SYNE1: variants seen among roughly 807,000 people sequenced by gnomAD.
The protein encoded by SYNE1 is spectrin repeat containing nuclear envelope protein 1.
SYNE1 carries 616 observed loss-of-function variants against 1,111.0 expected under a neutral mutation model. That is an observed-to-expected ratio of 0.55 (90% CI 0.52 to 0.59). The LOEUF is 0.59. SYNE1 is among the 20% of genes least tolerant of loss of function. The pLI, the probability that SYNE1 is intolerant of heterozygous loss-of-function variation, is 0.00. For missense variants in SYNE1, 10,006 were observed against 10,417.0 expected (o/e 0.96, Z 1.72); for synonymous variants, 3,855 against 3,825.8 (o/e 1.01, Z -0.28).
At chr6:152,589,977 G>C (rs569109717) in intron 3 of SYNE1, among the ~76,000 whole-genome samples, 42 of 149,030 alleles carry the variant, frequency 2.8e-4, no homozygotes, top group Non-Finnish European at 5.6e-4. Flanking sequence ...CTATCACCCA[G>C]GCTAGGGCAC....
chr6:152,514,135 C>T (rs1335032357), intron 6 of SYNE1, among the ~76,000 whole-genome samples: 1 of 152,158 alleles, frequency 6.6e-6, no homozygotes, highest in Non-Finnish European at 1.5e-5. Flanking sequence ...TGGGTATATA[C>T]CCAAAGGATT....
At chr6:152,132,554 G>A (rs751997305) in intron 143 of SYNE1, among the ~76,000 whole-genome samples, 1 of 152,246 alleles carries the variant, frequency 6.6e-6, no homozygotes, top group Non-Finnish European at 1.5e-5. Context: ...TGTAGAGCCT[G>A]CTGGTCACTC....
In SYNE1 at chr6:152,558,441, A is replaced by C. The variant is rs79818505; in HGVS notation, c.68-18420T>G. On this transcript the variant is annotated intron_variant, in intron 3 of 145. Coordinates refer to ENST00000367255, the MANE Select transcript of SYNE1 (RefSeq NM_182961.4). Reference sequence around the variant, plus strand: ...TAAGATCAAACTATATGCTGCCTACAAGAGATTCACTTTAGCTTTAAGGAA... The same window carrying C: ...TAAGATCAAACTATATGCTGCCTACCAGAGATTCACTTTAGCTTTAAGGAA... Among the ~76,000 whole-genome samples the C allele has an allele frequency of 4.7e-3, 720 of 152,356 alleles. 11 individuals are homozygous for C. The highest frequency in any genetic ancestry group is 0.016 in the African/African-American group (685 of 41,578).
chr6:152,339,365 A>G lies in SYNE1; in HGVS notation c.12227T>C (p.Val4076Ala). 6.2e-7 allele frequency: 1 copy of G among 1,613,660 alleles called. No homozygotes were observed. The highest frequency in any genetic ancestry group is 1.1e-5 in the South Asian group (1 of 91,066). ...CTCTTGCAAAGCTCTGAAGTGTTTG[A>G]CCTGGAAAAGGCAGTTATCAGAGTG... is the stretch of plus-strand genomic sequence containing the variant. ...PLSRAEAIKQ[V>A]KHFRALQEQA... is the part of the protein sequence containing the mutation. The change falls in exon 75 of 146, where the codon GTC becomes GCC. Residue 4076 changes from valine (V) to alanine (A), a missense_variant and splice_region_variant. Val to Ala is a moderately conservative substitution (Grantham distance 64). Coordinates refer to ENST00000367255, the MANE Select transcript of SYNE1 (RefSeq NM_182961.4).
At position 152,148,329 on chromosome 6, in the gene SYNE1, T is replaced by C; in HGVS notation, c.24692A>G (p.Asp8231Gly). Reference protein sequence around the residue: ...DLSDRELELEDSAALSDLHWH... With the variant: ...DLSDRELELEGSAALSDLHWH... ...GTGCAGGTCCGACAGAGCTGCAGAG[T>C]CTTCCAGCTCCAGCTCCCTGTCTGA... is the stretch of plus-strand genomic sequence containing the variant. Residue 8231 changes from aspartate (D) to glycine (G), a missense_variant, in exon 137 of 146, where the codon GAC becomes GGC. By Grantham distance (94) the Asp-to-Gly change is moderately conservative. Coordinates refer to ENST00000367255, the MANE Select transcript of SYNE1 (RefSeq NM_182961.4). The surrounding 1 kb of genome is among the most constrained non-coding windows in gnomAD (Gnocchi z 4.1). The C allele has an allele frequency of 6.2e-7, 1 of 1,614,018 alleles. No homozygotes were observed. The highest frequency in any genetic ancestry group is 8.5e-7 in the Non-Finnish European group (1 of 1,179,982).
intron 36 of SYNE1, 37 bp from the exon 37 acceptor site, chr6:152,428,429 G>A: frequency 6.2e-7 from 1 of 1,609,962 alleles, no homozygotes; most frequent in Non-Finnish European, 8.5e-7. Flanking sequence ...TGAAAGCACA[G>A]GAGCCAACGA....
chr6:152,148,003 G>A lies in SYNE1; in HGVS notation c.24976+42C>T. On this transcript the variant is annotated intron_variant, in intron 137 of 145. Coordinates refer to ENST00000367255, the MANE Select transcript of SYNE1 (RefSeq NM_182961.4). This position sits in a 1 kb window ranked among gnomAD's most constrained non-coding sequence, Gnocchi z 4.1. ...TTCCAGGGCAATATTAATTCCCTCT[G>A]ACTTTCCTTTAAGCTGGCAAACTGG... 1 of 1,545,812 alleles carries A rather than the reference G, an allele frequency of 6.5e-7. No homozygotes were observed. Among genetic ancestry groups the A allele is most frequent in the Non-Finnish European group, 8.9e-7 (1 of 1,121,748 alleles).
Position 152,486,209 on chromosome 6 carries a change from T to A in SYNE1, c.1048-1237A>T, listed in dbSNP as rs201294903. On this transcript the variant is annotated intron_variant, in intron 12 of 145. Coordinates refer to ENST00000367255, the MANE Select transcript of SYNE1 (RefSeq NM_182961.4). Reference sequence around the variant, plus strand: ...AGTGACACTCTGACTAAAAAAAATATTAAAAAAAACAACAAAAAAATAAAT... The same window carrying A: ...AGTGACACTCTGACTAAAAAAAATAATAAAAAAAACAACAAAAAAATAAAT... Among the ~76,000 whole-genome samples the A allele has an allele frequency of 3.1e-5, 4 of 127,322 alleles. No individual in the cohort carries two copies. The Admixed American group carries it at 3.2e-4, about 10-fold the overall frequency. 83.5% of individuals were successfully genotyped at this position (127,322 alleles called of 152,430 possible).
At position 152,391,585 on chromosome 6, in the gene SYNE1, A is replaced by AAAAAAAG. The variant is rs746802599; in HGVS notation, c.7713-18_7713-17insCTTTTTT. 2.5e-3 allele frequency: 3,916 copies of AAAAAAAG among 1,565,966 alleles called. 126 individuals carry two copies. In the African/African-American group the frequency reaches 0.052, roughly 21 times the overall value. Reference sequence around the variant, plus strand: ...AGAGACTCTCTGAAAAAAAGGAAAAAAAAAAAAAAGAAAAAAAATTAATTC... The same window carrying AAAAAAAG: ...AGAGACTCTCTGAAAAAAAGGAAAAAAAAAAAGAAAAAAAAAGAAAAAAAATTAATTC... On this transcript the variant is annotated splice_polypyrimidine_tract_variant and intron_variant, in intron 51 of 145. Coordinates refer to ENST00000367255, the MANE Select transcript of SYNE1 (RefSeq NM_182961.4).
rs2094071620 is a variant in SYNE1 at position 152,282,190 on chromosome 6, A to C, written c.18208-210T>G. On this transcript the variant is annotated intron_variant, in intron 96 of 145. Transcript: ENST00000367255. ...ATTGGTATTTTTAAAAAGACTCCCT[A>C]GTGATTTTAATGTGTACCTAGAGTT... 6 of 603,416 alleles carry C rather than the reference A, an allele frequency of 9.9e-6. 1 individual carries two copies. The highest frequency in any genetic ancestry group is 7.8e-5 in the South Asian group (4 of 51,318). The allele number at this position is 603,416 out of a possible 1,614,324, so 37.4% of individuals were successfully genotyped here.
chr6:152,126,287 C>A (rs1200920238), intron 145 of SYNE1: 2 of 151,916 alleles, frequency 1.3e-5, no homozygotes, highest in African/African-American at 4.8e-5. Context: ...CCCAAAGCTG[C>A]CTCATCTTCA....
chr6:152,283,134 A>G (rs917353539), intron 96 of SYNE1, among the ~76,000 whole-genome samples: 8 of 152,308 alleles, frequency 5.3e-5, no homozygotes, highest in African/African-American at 1.9e-4. Context: ...AATTTACGAG[A>G]GAACAAATAA....
intron 83 of SYNE1, 82 bp from the exon 84 acceptor site, chr6:152,321,472 CAT>C: frequency 6.6e-7 from 1 of 1,511,732 alleles, no homozygotes; most frequent in Non-Finnish European, 9.0e-7. Context: ...TTTTCATCAA[CAT>C]ATAATTAAGT....
intron 58 of SYNE1, among the ~76,000 whole-genome samples, chr6:152,375,235 G>A (rs1012110119): frequency 5.3e-5 from 8 of 152,128 alleles, no homozygotes; most frequent in African/African-American, 1.4e-4. Context: ...GAGCCGCCGC[G>A]CCTGGCTTGG....
intron 3 of SYNE1, among the ~76,000 whole-genome samples, chr6:152,612,422 A>G (rs1405743670): frequency 1.3e-5 from 2 of 152,222 alleles, no homozygotes; most frequent in African/African-American, 4.8e-5. Flanking sequence ...TCCTGGACAC[A>G]TACATCCTCC....
intron 75 of SYNE1, among the ~76,000 whole-genome samples, chr6:152,337,441 C>T (rs1025390317): frequency 3.3e-5 from 5 of 152,188 alleles, no homozygotes; most frequent in Non-Finnish European, 7.3e-5. Flanking sequence ...AGGCTTGCGC[C>T]GTCACACCCA....
chr6:152,184,059 CT>C (rs1454824811), intron 128 of SYNE1, among the ~76,000 whole-genome samples: 2 of 152,278 alleles, frequency 1.3e-5, no homozygotes, highest in East Asian at 3.9e-4. Flanking sequence ...TGTTTATTGT[CT>C]GTAGTAAACA....
intron 14 of SYNE1, 113 bp from the exon 15 acceptor site, chr6:152,472,526 G>A (rs532626656): frequency 2.0e-5 from 20 of 975,984 alleles, no homozygotes; most frequent in South Asian, 4.1e-5. Context: ...ATTTGATCCC[G>A]CTGCCACATT....
At chr6:152,248,212 A>G (rs892346378) in intron 105 of SYNE1, among the ~76,000 whole-genome samples, 3 of 152,136 alleles carry the variant, frequency 2.0e-5, no homozygotes, top group African/African-American at 7.2e-5. Flanking sequence ...AACATCCCCT[A>G]CAACTTTCCA....
Sources: gnomAD v4.1 joint callset for allele counts (sites outside exome capture counted in the v4.1 genomes callset) on GRCh38, gnomAD v4.1.1 for gene constraint, Gnocchi (gnomAD v3.1) non-coding constraint, MANE v1.5 for transcripts, NCBI Gene and HGNC (gene_info 2026-07-23, HGNC 2026-07-21) for gene names.